The following ZNF831 variants were observed in gnomAD, a reference collection of about 807,000 sequenced individuals.
ZNF831 encodes chromosome 20 open reading frame 174.
ZNF831 carries 59 observed loss-of-function variants against 95.8 expected under a neutral mutation model. That is an observed-to-expected ratio of 0.62 (90% confidence interval 0.50 to 0.77). The LOEUF (loss-of-function observed/expected upper bound fraction) is 0.77. Ranked by LOEUF, ZNF831 falls within the 30% of genes least tolerant of loss-of-function variation. The pLI, the probability that ZNF831 is intolerant of heterozygous loss-of-function variation, is 0.00. For synonymous variants in ZNF831, 961 were observed against 925.5 expected, an observed-to-expected ratio of 1.04 and a Z score of -0.70; for missense variants, 2,205 against 2,164.0, an observed-to-expected ratio of 1.02 and a Z score of -0.38.
At position 59,217,899 on chromosome 20, in the gene ZNF831, G is replaced by A. The variant is rs1601412100; in HGVS notation, c.4027+10843G>A. 1.3e-5 allele frequency among the ~76,000 whole-genome samples: 2 copies of A among 152,318 alleles called. No homozygotes were observed. Among genetic ancestry groups the A allele is most frequent in the South Asian group, 4.2e-4 (2 of 4,816 alleles). On this transcript the variant is annotated intron_variant, in intron 4 of 5. Coordinates refer to ENST00000371030, the MANE Select transcript of ZNF831 (RefSeq NM_178457.3). The surrounding 1 kb of genome is among the most constrained non-coding windows in gnomAD (Gnocchi z 4.4). Reference sequence around the variant, plus strand: ...ATGTGTTCCTCAGCAGAGGCACGATGGATCAGCCTGCTCTGGGGGGACTCT... The same window carrying A: ...ATGTGTTCCTCAGCAGAGGCACGATAGATCAGCCTGCTCTGGGGGGACTCT...
chr20:59,211,612 G>C (rs1212561804), intron 4 of ZNF831, among the ~76,000 whole-genome samples: 1 of 152,180 alleles, frequency 6.6e-6, no homozygotes, highest in Non-Finnish European at 1.5e-5. Flanking sequence ...AGAGTGACAG[G>C]CACTCTGAGG....
intron 3 of ZNF831, among the ~76,000 whole-genome samples, chr20:59,203,638 A>T (rs1298154828): frequency 6.6e-6 from 1 of 152,308 alleles, no homozygotes; most frequent in South Asian, 2.1e-4. Context: ...GCCCACTTAC[A>T]TGTTAAATTT....
chr20:59,242,657 T>C (rs1987398535), intron 4 of ZNF831, among the ~76,000 whole-genome samples: 1 of 152,214 alleles, frequency 6.6e-6, no homozygotes, highest in African/African-American at 2.4e-5. Context: ...TGAAATAAAA[T>C]GTATGATTAC....
intron 4 of ZNF831, among the ~76,000 whole-genome samples, chr20:59,215,544 T>C (rs953958596): frequency 3.9e-5 from 6 of 152,242 alleles, no homozygotes; most frequent in African/African-American, 1.4e-4. Flanking sequence ...TTTATTCCCT[T>C]GGACACACTT....
At chr20:59,184,929 T>TG (rs1200386337) in intron 1 of ZNF831, among the ~76,000 whole-genome samples, 1 of 151,902 alleles carries the variant, frequency 6.6e-6, no homozygotes, top group East Asian at 1.9e-4. Flanking sequence ...TAACTGTTTG[T>TG]GGGGGGGAAT....
chr20:59,191,335 G>A lies in ZNF831; in HGVS notation c.316G>A (p.Gly106Arg), dbSNP rs866199440. ...TGAAGGGCCTGGCCCCACCCAGGTG[G>A]GGAAGCCGGCGGCCCCTACGCTGAC... is the stretch of plus-strand genomic sequence containing the variant. Reference protein sequence around the residue: ...QPEGPGPTQVGKPAAPTLTVN... With the variant: ...QPEGPGPTQVRKPAAPTLTVN... The change falls in exon 2 of 6, where the codon GGG (glycine) becomes AGG (arginine). Residue 106 changes from glycine (G) to arginine (R), a missense_variant. By Grantham distance (125) the Gly-to-Arg change is moderately radical. Transcript: ENST00000371030. The A allele has an allele frequency of 6.2e-7, 1 of 1,604,250 alleles. No homozygotes were observed. Among genetic ancestry groups the A allele is most frequent in the South Asian group, 1.1e-5 (1 of 90,104 alleles).
At position 59,151,522 on chromosome 20, in the gene ZNF831, G is replaced by A. The variant is rs544600497; in HGVS notation, c.-1281+5148G>A. Among the ~76,000 whole-genome samples the A allele has an allele frequency of 2.0e-4, 30 of 152,176 alleles. No individual in the cohort carries two copies. The South Asian group carries it at 5.2e-3, about 26-fold the overall frequency. On this transcript the variant is annotated intron_variant, in intron 2 of 7. Transcript: ENST00000637017. ...CCCTGACTTGACAGATGAAAACCTCGAGGCTTAGAAAGGTAAAATAACTTG... is the reference window on the plus strand; with the variant it reads ...CCCTGACTTGACAGATGAAAACCTCAAGGCTTAGAAAGGTAAAATAACTTG...
intron 4 of ZNF831, among the ~76,000 whole-genome samples, chr20:59,220,150 C>T (rs979582695): frequency 3.9e-5 from 6 of 152,156 alleles, no homozygotes; most frequent in African/African-American, 1.4e-4. Context: ...CAGAGGGCCA[C>T]AAATGAATCC....
chr20:59,229,304 C>T (rs1279838143), intron 4 of ZNF831, among the ~76,000 whole-genome samples: 5 of 152,076 alleles, frequency 3.3e-5, no homozygotes, highest in Admixed American at 6.5e-5. Context: ...AATGATTTCC[C>T]TTCTTTTGGC....
intron 4 of ZNF831, among the ~76,000 whole-genome samples, chr20:59,247,896 G>A (rs533028939): frequency 6.6e-6 from 1 of 152,316 alleles, no homozygotes; most frequent in South Asian, 2.1e-4. Flanking sequence ...TTAGGCAGCT[G>A]GAAGAAGATT....
At chr20:59,141,213 A>G (rs1979668000) in intron 1 of ZNF831, among the ~76,000 whole-genome samples, 1 of 152,148 alleles carries the variant, frequency 6.6e-6, no homozygotes, top group South Asian at 2.1e-4. Context: ...TTTTAATTTT[A>G]ATAAAGTCTA....
At chr20:59,253,869 C>CCGGGGGTG in intron 5 of ZNF831, 29 bp from the exon 6 acceptor site, 1 of 1,067,572 alleles carries the variant, frequency 9.4e-7, no homozygotes, top group Non-Finnish European at 1.2e-6. Context: ...TCCCCCCCCA[C>CCGGGGGTG]TTTTTTTTTC....
chr20:59,152,592 A>C (rs1349634637), intron 2 of ZNF831, among the ~76,000 whole-genome samples: 1 of 152,140 alleles, frequency 6.6e-6, no homozygotes, highest in African/African-American at 2.4e-5. Context: ...TAAGCAAGTA[A>C]TGATACATTT....
At chr20:59,253,781 A>G in intron 5 of ZNF831, 117 bp from the exon 6 acceptor site, 1 of 1,203,350 alleles carries the variant, frequency 8.3e-7, no homozygotes, top group Non-Finnish European at 1.1e-6. Flanking sequence ...ACCCTTGGTA[A>G]AGAATCATTA....
intron 2 of ZNF831, among the ~76,000 whole-genome samples, chr20:59,147,476 C>A (rs1363899457): frequency 6.6e-6 from 1 of 152,190 alleles, no homozygotes; most frequent in African/African-American, 2.4e-5. Context: ...TCACTCTGGC[C>A]CTTGGATGTC....
chr20:59,192,488 C>A lies in ZNF831; in HGVS notation c.1469C>A (p.Thr490Asn), dbSNP rs1333513810. The A allele has an allele frequency of 6.3e-7, 1 of 1,575,098 alleles. No individual in the cohort carries two copies. Among genetic ancestry groups the A allele is most frequent in the African/African-American group, 1.4e-5 (1 of 73,912 alleles). Residue 490 changes from threonine to asparagine, a missense_variant, in exon 2 of 6, where the codon ACT becomes AAT. Thr to Asn is a moderately conservative substitution (Grantham distance 65). Transcript: ENST00000371030. This position sits in a 1 kb window ranked among gnomAD's most constrained non-coding sequence, Gnocchi z 5.2. ...SRPLFFHSVP[T>N]QLSTTVECVP... ...CCCCTCTTCTTCCACTCCGTCCCCA[C>A]TCAGCTCTCCACCACCGTGGAATGT...
chr20:59,166,457 T>C (rs1045109615), intron 1 of ZNF831, among the ~76,000 whole-genome samples: 4 of 152,156 alleles, frequency 2.6e-5, no homozygotes, highest in Non-Finnish European at 4.4e-5. Context: ...TTTCCTCCAA[T>C]AGCAACATCT....
At chr20:59,148,556 T>C (rs1980015369) in intron 2 of ZNF831, among the ~76,000 whole-genome samples, 1 of 136,880 alleles carries the variant, frequency 7.3e-6, no homozygotes, top group East Asian at 2.0e-4. Context: ...GGCGCGCGCC[T>C]GTAGTCCCAG....
At chr20:59,148,467 G>A (rs1292585786) in intron 2 of ZNF831, among the ~76,000 whole-genome samples, 1 of 117,156 alleles carries the variant, frequency 8.5e-6, no homozygotes, top group Non-Finnish European at 1.9e-5. Context: ...AGATCACGAG[G>A]TCAGGAGATC....
Sources: gnomAD v4.1 joint callset for allele counts (sites outside exome capture counted in the v4.1 genomes callset) on GRCh38, gnomAD v4.1.1 for gene constraint, Gnocchi (gnomAD v3.1) non-coding constraint, MANE v1.5 for transcripts, NCBI Gene and HGNC (gene_info 2026-07-23, HGNC 2026-07-21) for gene names.